ID4: variants seen among roughly 807,000 people sequenced by gnomAD.
ID4 encodes inhibitor of DNA binding 4.
Under a neutral mutation model 8.6 loss-of-function variants are expected in ID4, and 9 were observed. The ratio of observed to expected loss-of-function variants is 1.04; its 90% CI spans 0.63 to 1.82. The LOEUF (loss-of-function observed/expected upper bound fraction) is 1.82, where lower values mean the gene tolerates loss of function less well. ID4 is among the 40% of genes most tolerant of loss of function. The pLI, the probability that ID4 is intolerant of heterozygous loss-of-function variation, is 0.00. For missense variants in ID4, 270 were observed against 235.1 expected, an observed-to-expected ratio of 1.15 and a Z score of -0.97; for synonymous variants, 180 against 118.0, an observed-to-expected ratio of 1.53 and a Z score of -3.41.
At position 19,840,302 on chromosome 6, in the gene ID4, CTCT is replaced by C. The variant is rs762827593; in HGVS notation, c.*1110_*1112del. ...CAAAGTGAAAAAAAATTGCTTATTA[CTCT>C]TCATTTTACACTAAAGCTTAATGTC... is the stretch of plus-strand genomic sequence containing the variant. On this transcript the variant is annotated 3_prime_UTR_variant, in exon 3 of 3. Transcript: ENST00000378700. 2 of 152,498 alleles carry C rather than the reference CTCT, an allele frequency of 1.3e-5. No individual in the cohort carries two copies. The highest frequency in any genetic ancestry group is 2.9e-5 in the Non-Finnish European group (2 of 67,996). The allele number at this position is 152,498 out of a possible 1,614,324, so 9.4% of individuals were successfully genotyped here.
In ID4 at chr6:19,838,127, C is replaced by T; in HGVS notation, c.373C>T (p.His125Tyr). Residue 125 changes from histidine to tyrosine, a missense_variant, in exon 1 of 3, where the codon CAC (histidine) becomes TAC (tyrosine). By Grantham distance (83) the His-to-Tyr change is moderately conservative. Around this residue, in one of 3 missense-constraint regions of ID4, gnomAD observed 107 missense variants for 81.0 expected, o/e 1.32. Coordinates refer to ENST00000378700, the MANE Select transcript of ID4 (RefSeq NM_001546.4). ...GCAGCCACCACCGCCCGCGCCGCCA[C>T]ACCACCCGGCCGGGACCTGTCCAGC... ...LRQPPPPAPP[H>Y]HPAGTCPAAP... 1 of 1,579,080 alleles carries T rather than the reference C, an allele frequency of 6.3e-7. No individual in the cohort carries two copies. Among genetic ancestry groups the T allele is most frequent in the Admixed American group, 1.8e-5 (1 of 55,478 alleles).
intron 1 of ID4, 34 bp from the exon 2 acceptor site, chr6:19,838,550 T>G: frequency 6.2e-7 from 1 of 1,613,926 alleles, no homozygotes; most frequent in Non-Finnish European, 8.5e-7. Flanking sequence ...TTGCGCCTGC[T>G]AACCTTTCCC....
At chr6:19,838,463 G>T in intron 1 of ID4, 121 bp from the exon 2 acceptor site, 1 of 1,367,818 alleles carries the variant, frequency 7.3e-7, no homozygotes, top group East Asian at 2.5e-5. Context: ...GGCCCCCCCG[G>T]CTACAGGCTG....
At position 19,839,548 on chromosome 6, in the gene ID4, C is replaced by T. The variant is rs8214; in HGVS notation, c.*353C>T. On this transcript the variant is annotated 3_prime_UTR_variant, in exon 3 of 3. Transcript: ENST00000378700. ...TCAAGAGTAGATCCGACTTTAGAAG[C>T]CTACTTTGTGACCAAGGAGCTCAAT... The T allele has an allele frequency of 0.14, 21,855 of 152,424 alleles. 2,040 individuals carry two copies. Among genetic ancestry groups the T allele is most frequent in the Non-Finnish European group, 0.22 (14,808 of 67,934 alleles). 9.4% of individuals were successfully genotyped at this position (152,424 alleles called of 1,614,324 possible). A position where few individuals can be genotyped will look rare whatever the true frequency, so the allele number is the denominator to read the frequency against.
chr6:19,838,902 T>C, intron 2 of ID4: 1 of 538,274 alleles, frequency 1.9e-6, no homozygotes, highest in Middle Eastern at 5.0e-4. Context: ...GTCAGCGGGC[T>C]CTTCTGCCTT....
chr6:19,838,353 A>G (rs935772140), intron 1 of ID4, among the ~76,000 whole-genome samples, 158 bp downstream of exon 1: 5 of 151,974 alleles, frequency 3.3e-5, no homozygotes, highest in Non-Finnish European at 7.4e-5. Context: ...GGCCGCCAGC[A>G]GCCGGCCGGG....
In ID4 at chr6:19,841,069, A is replaced by C. The variant is rs1006562959; in HGVS notation, c.*1874A>C. ...GTCCCTAGTAGTCAGTTGAAGTGGC[A>C]ATGTCTAAACAGAAATGAACAAAAC... On this transcript the variant is annotated 3_prime_UTR_variant, in exon 3 of 3. Coordinates refer to ENST00000378700, the MANE Select transcript of ID4 (RefSeq NM_001546.4). Among the ~76,000 whole-genome samples the C allele has an allele frequency of 1.3e-5, 2 of 152,214 alleles. No homozygotes were observed. The highest frequency in any genetic ancestry group is 2.9e-5 in the Non-Finnish European group (2 of 68,020).
chr6:19,838,918 G>T (rs1273757962), intron 2 of ID4: 6 of 494,438 alleles, frequency 1.2e-5, no homozygotes, highest in Admixed American at 3.8e-5. Flanking sequence ...GCCTTCCCTA[G>T]TTCCCGAGGG....
chr6:19,838,202 G>GGCCGGGC lies in ID4; in HGVS notation c.441+13_441+19dup, dbSNP rs1297718728. 1.0e-5 allele frequency: 14 copies of GGCCGGGC among 1,354,894 alleles called. No individual in the cohort carries two copies. The African/African-American group carries it at 2.0e-4, about 19-fold the overall frequency. 83.9% of individuals were successfully genotyped at this position (1,354,894 alleles called of 1,614,324 possible). ...TGCGCTCAACACCGACCCGGTGAGA[G>GGCCGGGC]GCCGGGCGCCGGCCGTGGGCGGACG... On this transcript the variant is annotated splice_region_variant and intron_variant, in intron 1 of 2. Coordinates refer to ENST00000378700, the MANE Select transcript of ID4 (RefSeq NM_001546.4).
rs1289330495 is a variant in ID4, at chr6:19,838,144, C to T, written c.390C>T (p.Thr130=). The T allele has an allele frequency of 6.4e-7, 1 of 1,553,712 alleles. No homozygotes were observed. Among genetic ancestry groups the T allele is most frequent in the Non-Finnish European group, 8.7e-7 (1 of 1,150,190 alleles). Residue 130 remains threonine, a synonymous_variant, in exon 1 of 3, where the codon ACC becomes ACT. Transcript: ENST00000378700. ...CGCCGCCACACCACCCGGCCGGGAC[C>T]TGTCCAGCCGCGCCGCCGCGGACCC... is the stretch of plus-strand genomic sequence containing the variant. The part of the protein sequence containing the change: ...PPAPPHHPAG[T]CPAAPPRTPL...
rs1320761558 is a variant in ID4 at position 19,839,782 on chromosome 6, A to C, written c.*587A>C. The C allele has an allele frequency of 6.6e-6, 1 of 152,446 alleles. No individual in the cohort carries two copies. The highest frequency in any genetic ancestry group is 1.5e-5 in the Non-Finnish European group (1 of 68,024). 9.4% of individuals were successfully genotyped at this position (152,446 alleles called of 1,614,324 possible). ...TGAGAAAGTATATGCTTTAATAGAT[A>C]CTGTAATTATAAGATATTTTTAATT... On this transcript the variant is annotated 3_prime_UTR_variant, in exon 3 of 3. Coordinates refer to ENST00000378700, the MANE Select transcript of ID4 (RefSeq NM_001546.4).
Position 19,838,054 on chromosome 6 carries a change from C to T in ID4, c.300C>T (p.Tyr100=). 2 of 1,607,318 alleles carry T rather than the reference C, an allele frequency of 1.2e-6. No individual in the cohort carries two copies. Among genetic ancestry groups the T allele is most frequent in the East Asian group, 2.2e-5 (1 of 44,508 alleles). The change falls in exon 1 of 3, where the codon TAC becomes TAT. Residue 100 remains tyrosine, a synonymous_variant. Coordinates refer to ENST00000378700, the MANE Select transcript of ID4 (RefSeq NM_001546.4). ...KVEILQHVID[Y]ILDLQLALET... is the part of the protein sequence containing the mutation. ...AGATCCTGCAGCACGTTATCGACTA[C>T]ATCCTGGACCTGCAGCTGGCGCTGG...
At chr6:19,838,301 A>G (rs1167769666) in intron 1 of ID4, 106 bp downstream of exon 1, 17 of 1,104,052 alleles carry the variant, frequency 1.5e-5, no homozygotes, top group South Asian at 2.2e-5. Context: ...GGGGCGGGCC[A>G]GGAATGACAG....
Position 19,837,576 on chromosome 6 carries a change from C to T in ID4, c.-179C>T. ...GTGTCGCCCACTGAGCAAAGATTCC[C>T]TCGTAAAACCCAGAGCGACCCTCCC... On this transcript the variant is annotated 5_prime_UTR_variant, in exon 1 of 3. Transcript: ENST00000378700. 3.5e-6 allele frequency: 1 copy of T among 283,084 alleles called. No homozygotes were observed. Among genetic ancestry groups the T allele is most frequent in the Middle Eastern group, 1.3e-3 (1 of 742 alleles). 17.5% of individuals were successfully genotyped at this position (283,084 alleles called of 1,614,324 possible). A position where few individuals can be genotyped will look rare whatever the true frequency, so the allele number is the denominator to read the frequency against.
chr6:19,838,716 A>C, intron 2 of ID4, 74 bp downstream of exon 2: 1 of 1,351,896 alleles, frequency 7.4e-7, no homozygotes, highest in Non-Finnish European at 1.0e-6. Flanking sequence ...GGGGCCAGGC[A>C]CCGCGGTGTT....
intron 2 of ID4, 96 bp downstream of exon 2, chr6:19,838,738 G>C: frequency 9.3e-7 from 1 of 1,070,834 alleles, no homozygotes; most frequent in Middle Eastern, 2.2e-4. Context: ...TTTGCCCCCA[G>C]CGTTTCTGAG....
chr6:19,838,298 G>T, intron 1 of ID4, 103 bp downstream of exon 1: 1 of 1,154,214 alleles, frequency 8.7e-7, no homozygotes, highest in Non-Finnish European at 1.1e-6. Flanking sequence ...GCAGGGGCGG[G>T]CCAGGAATGA....
chr6:19,838,396 G>A (rs1030933611), intron 1 of ID4, among the ~76,000 whole-genome samples, 188 bp from the exon 2 acceptor site: 1 of 152,128 alleles, frequency 6.6e-6, no homozygotes, highest in Admixed American at 6.5e-5. Flanking sequence ...GAACGCGCAG[G>A]GCGGGACTCG....
rs758004081 is a variant in ID4 at position 19,838,618 on chromosome 6, T to C, written c.476T>C (p.Leu159Pro). ...GTGAACAAGCAGGGCGACAGCATTC[T>C]GTGCCGCTGAGCCGCGCTGTCCAGG... ...GAVNKQGDSILCR is the reference protein window; with the variant it reads ...GAVNKQGDSIPCR Residue 159 changes from leucine (L) to proline (P), a missense_variant, in exon 2 of 3, where the codon CTG (leucine) becomes CCG (proline). Coordinates refer to ENST00000378700, the MANE Select transcript of ID4 (RefSeq NM_001546.4). 6.8e-6 allele frequency: 11 copies of C among 1,613,968 alleles called. No homozygotes were observed. Among genetic ancestry groups the C allele is most frequent in the South Asian group, 6.6e-5 (6 of 91,086 alleles).
Sources: gnomAD v4.1 joint callset for allele counts (sites outside exome capture counted in the v4.1 genomes callset) on GRCh38, gnomAD v4.1.1 for gene constraint, gnomAD v4.1.1 regional missense constraint, MANE v1.5 for transcripts, NCBI Gene and HGNC (gene_info 2026-07-23, HGNC 2026-07-21) for gene names.